Variants in CD48 observed in about 807,000 individuals in gnomAD.
The protein encoded by CD48 is CD48 molecule, also known as CD48 antigen.
A neutral mutation model predicts 22.0 loss-of-function variants in CD48; 20 were observed. That is an observed-to-expected ratio of 0.91 (90% CI 0.64 to 1.32). The LOEUF (loss-of-function observed/expected upper bound fraction) is 1.32, where lower values mean the gene tolerates loss of function less well. Among genes scored for constraint, CD48 ranks in the 40% most tolerant of loss-of-function variants. The pLI is 0.00. For synonymous variants in CD48, 110 were observed against 110.1 expected, an observed-to-expected ratio of 1.00 and a Z score of 0.01; for missense variants, 307 against 286.5, an observed-to-expected ratio of 1.07 and a Z score of -0.52.
intron 1 of CD48, among the ~76,000 whole-genome samples, chr1:160,710,799 A>C (rs1662926112): frequency 6.6e-6 from 1 of 152,218 alleles, no homozygotes; most frequent in South Asian, 2.1e-4. Context: ...TCATCTCCCC[A>C]AAAGTTACAA....
intron 3 of CD48, chr1:160,680,524 A>G (rs1343572224): frequency 3.1e-6 from 3 of 965,738 alleles, no homozygotes; most frequent in African/African-American, 3.5e-5. Context: ...GACCCCAGGT[A>G]TGACTGACTC....
intron 2 of CD48, among the ~76,000 whole-genome samples, chr1:160,682,055 C>T (rs969639124): frequency 1.3e-5 from 2 of 152,176 alleles, no homozygotes; most frequent in Non-Finnish European, 1.5e-5. Context: ...GATTGGTCTG[C>T]TAACTTTGGT....
intron 1 of CD48, among the ~76,000 whole-genome samples, chr1:160,711,002 G>T (rs139580096): frequency 9.8e-5 from 15 of 152,336 alleles, no homozygotes; most frequent in Non-Finnish European, 1.9e-4. Flanking sequence ...GATGAAGAAA[G>T]AGGGTGAGGC....
intron 1 of CD48, among the ~76,000 whole-genome samples, chr1:160,707,427 G>A (rs145462851): frequency 8.5e-5 from 13 of 152,266 alleles, no homozygotes; most frequent in African/African-American, 2.9e-4. Context: ...GGTGATTGAC[G>A]AGCCTGGGCT....
chr1:160,687,911 T>G lies in CD48; in HGVS notation c.83-2722A>C, dbSNP rs1299693823. ...AAAATTTGTTTCTTTAATTTAGTTA[T>G]GTCCAATGATAAATTATCTTCTCTA... On this transcript the variant is annotated intron_variant, in intron 1 of 3. Transcript: ENST00000368046. 2.0e-5 allele frequency among the ~76,000 whole-genome samples: 3 copies of G among 152,244 alleles called. No homozygotes were observed. The East Asian group carries it at 5.8e-4, about 29-fold the overall frequency.
chr1:160,684,431 G>A (rs1322201570), intron 2 of CD48: 2 of 298,378 alleles, frequency 6.7e-6, no homozygotes, highest in Non-Finnish European at 1.3e-5. Context: ...TGGTTAGACT[G>A]GAGCTATGAG....
At chr1:160,679,234 A>T (rs1030283008) in intron 3 of CD48, 103 bp from the exon 4 acceptor site, 2 of 851,070 alleles carry the variant, frequency 2.3e-6, no homozygotes, top group Non-Finnish European at 3.9e-6. Flanking sequence ...CTCACAGAGC[A>T]GGGAAATTAA....
intron 2 of CD48, chr1:160,683,727 C>T (rs1036490301): frequency 6.6e-6 from 1 of 152,140 alleles, no homozygotes; most frequent in Non-Finnish European, 1.5e-5. Context: ...CATGTTTTGA[C>T]ATTTTAAAAA....
intron 1 of CD48, among the ~76,000 whole-genome samples, chr1:160,701,217 T>A (rs1360938473): frequency 3.9e-3 from 29 of 7,430 alleles, no homozygotes; most frequent in African/African-American, 9.9e-3. Context: ...GAGGCTAATT[T>A]TTAGGTATTA....
intron 1 of CD48, chr1:160,686,801 C>T (rs1011888173): frequency 6.6e-6 from 1 of 152,084 alleles, no homozygotes; most frequent in African/African-American, 2.4e-5. Flanking sequence ...ACATCAAGTA[C>T]TTAACGGGGT....
chr1:160,684,656 A>G, intron 2 of CD48: 4 of 1,339,852 alleles, frequency 3.0e-6, no homozygotes, highest in Non-Finnish European at 4.0e-6. Flanking sequence ...TTCAAAGCTT[A>G]GACTCACTAA....
Position 160,680,598 on chromosome 1 carries a change from T to TA in CD48, c.652+603_652+604insT. ...TGTAGGCCTGATCTAGAGCCAGGTG[T>TA]GACACTCATGAGTGGATCCTCCCAG... On this transcript the variant is annotated intron_variant, in intron 3 of 3. Coordinates refer to ENST00000368046, the MANE Select transcript of CD48 (RefSeq NM_001778.4). The TA allele has an allele frequency of 1.2e-5, 12 of 1,001,322 alleles. No homozygotes were observed. The Admixed American group carries it at 1.5e-4, about 13-fold the overall frequency. 62.0% of individuals were successfully genotyped at this position (1,001,322 alleles called of 1,614,324 possible).
In CD48 at chr1:160,689,415, T is replaced by C. The variant is rs988646203; in HGVS notation, c.83-4226A>G. ...TAATTATGTGTAGCAGGTAAATCAGTGTGAGAGGAAACTGGTGAGACAGAA... is the reference window on the plus strand; with the variant it reads ...TAATTATGTGTAGCAGGTAAATCAGCGTGAGAGGAAACTGGTGAGACAGAA... On this transcript the variant is annotated intron_variant, in intron 1 of 3. Transcript: ENST00000368046. 3.3e-5 allele frequency among the ~76,000 whole-genome samples: 5 copies of C among 152,000 alleles called. No homozygotes were observed. In the East Asian group the frequency reaches 7.7e-4, roughly 23 times the overall value.
intron 1 of CD48, among the ~76,000 whole-genome samples, chr1:160,706,682 ATTC>A (rs1421405871): frequency 6.6e-6 from 1 of 152,216 alleles, no homozygotes; most frequent in African/African-American, 2.4e-5. Context: ...GTTGGATCTT[ATTC>A]TTTTACTTTC....
intron 3 of CD48, chr1:160,680,981 C>G: frequency 7.0e-7 from 1 of 1,418,790 alleles, no homozygotes; most frequent in Non-Finnish European, 9.1e-7. Flanking sequence ...CCCAAACGTC[C>G]TTTGCAGGTG....
chr1:160,707,020 A>G (rs1191967831), intron 1 of CD48, among the ~76,000 whole-genome samples: 1 of 152,230 alleles, frequency 6.6e-6, no homozygotes, highest in Non-Finnish European at 1.5e-5. Flanking sequence ...AGTGTTAAGG[A>G]TGTGGAGACA....
At position 160,679,011 on chromosome 1, in the gene CD48, C is replaced by G; in HGVS notation, c.*41G>C. ...GAGCATGATCACCAACAGGCAAGAT[C>G]TTCTGGCCTTGAAGTTTCGCTTGAG... On this transcript the variant is annotated 3_prime_UTR_variant, in exon 4 of 4. Coordinates refer to ENST00000368046, the MANE Select transcript of CD48 (RefSeq NM_001778.4). The G allele has an allele frequency of 2.1e-6, 3 of 1,461,906 alleles. No homozygotes were observed. The highest frequency in any genetic ancestry group is 2.9e-6 in the Non-Finnish European group (3 of 1,041,212). 90.6% of individuals were successfully genotyped at this position (1,461,906 alleles called of 1,614,324 possible).
rs548062710 is a variant in CD48 at position 160,684,867 on chromosome 1, C to G, written c.385+20G>C. 1.2e-6 allele frequency: 2 copies of G among 1,614,140 alleles called. No homozygotes were observed. The highest frequency in any genetic ancestry group is 2.2e-5 in the South Asian group (2 of 91,070). On this transcript the variant is annotated intron_variant, in intron 2 of 3. Coordinates refer to ENST00000368046, the MANE Select transcript of CD48 (RefSeq NM_001778.4). The stretch of plus-strand genomic sequence containing the variant: ...GGGGCCACTGGAGTGGGGATTTGCT[C>G]TTTGGCTCCCCTGACTCACCAAGCA...
intron 1 of CD48, among the ~76,000 whole-genome samples, chr1:160,698,254 G>A (rs1257802261): frequency 3.3e-5 from 5 of 152,102 alleles, no homozygotes; most frequent in Non-Finnish European, 5.9e-5. Flanking sequence ...CTTTTAATTG[G>A]CAGCACCGTA....
Sources: allele counts gnomAD v4.1 joint callset (sites outside exome capture counted in the v4.1 genomes callset), GRCh38; gene constraint gnomAD v4.1.1; transcripts MANE v1.5; gene names NCBI Gene and HGNC (gene_info 2026-07-23, HGNC 2026-07-21).